VPS35: variants seen among roughly 807,000 people sequenced by gnomAD.
VPS35 encodes the protein vacuolar protein sorting-associated protein 35.
A neutral mutation model predicts 98.1 loss-of-function variants in VPS35; 21 were observed. The ratio of observed to expected loss-of-function variants is 0.21; its 90% CI spans 0.15 to 0.31. The LOEUF is 0.31. Ranked by LOEUF, VPS35 falls within the 10% of genes least tolerant of loss-of-function variation. The pLI, the probability that VPS35 is intolerant of heterozygous loss-of-function variation, is 1.00. For missense variants in VPS35, 554 were observed against 950.8 expected (o/e 0.58, Z 5.49); for synonymous variants, 268 against 318.2 (o/e 0.84, Z 1.68).
intron 13 of VPS35, among the ~76,000 whole-genome samples, chr16:46,663,445 A>G (rs1402650092): frequency 6.6e-6 from 1 of 151,972 alleles, no homozygotes; most frequent in African/African-American, 2.4e-5. Flanking sequence ...GCAGTGGCAC[A>G]ATCTTGGCTC....
chr16:46,681,593 C>T, intron 3 of VPS35, 93 bp from the exon 4 acceptor site: 3 of 1,439,698 alleles, frequency 2.1e-6, no homozygotes, highest in South Asian at 1.2e-5. Context: ...ACTGGGCAGA[C>T]ATCTTAAGTT....
intron 13 of VPS35, among the ~76,000 whole-genome samples, chr16:46,665,913 C>CT (rs966993065): frequency 1.3e-4 from 19 of 151,976 alleles, no homozygotes; most frequent in African/African-American, 3.6e-4. Flanking sequence ...GCCCTAGCCT[C>CT]TTTTTTTTGA....
At chr16:46,676,076 A>AG (rs1412584196) in intron 8 of VPS35, among the ~76,000 whole-genome samples, 1 of 151,254 alleles carries the variant, frequency 6.6e-6, no homozygotes, top group Non-Finnish European at 1.5e-5. Context: ...AAAAAAAAAA[A>AG]AAAAAAAAAA....
At chr16:46,664,480 C>T (rs1354760276) in intron 13 of VPS35, among the ~76,000 whole-genome samples, 1 of 149,626 alleles carries the variant, frequency 6.7e-6, no homozygotes, top group Non-Finnish European at 1.5e-5. Context: ...GAGTTAAAAT[C>T]GATTCACACT....
At chr16:46,688,703 G>A in intron 1 of VPS35, 1 of 1,133,074 alleles carries the variant, frequency 8.8e-7, no homozygotes, top group South Asian at 2.4e-5. Context: ...AGGCACAAAG[G>A]TAGAAACGCA....
rs1160765853 is a variant in VPS35, at chr16:46,668,989, G to T, written c.1588C>A (p.Pro530Thr). Reference protein sequence around the residue: ...GGNQRIRFTLPPLVFAAYQLA... With the variant: ...GGNQRIRFTLTPLVFAAYQLA... ...TGGTAAGCTGCAAATACCAAAGGTG[G>T]CAGTGTGAAGCGAATCCGCTGATTT... The change falls in exon 13 of 17, where the codon CCA (proline) becomes ACA (threonine). Residue 530 changes from proline to threonine, a missense_variant. Transcript: ENST00000299138. The T allele has an allele frequency of 6.2e-7, 1 of 1,614,050 alleles. No homozygotes were observed. Among genetic ancestry groups the T allele is most frequent in the Non-Finnish European group, 8.5e-7 (1 of 1,180,008 alleles).
intron 13 of VPS35, among the ~76,000 whole-genome samples, chr16:46,663,437 A>C (rs2143006012): frequency 6.6e-6 from 1 of 152,344 alleles, no homozygotes; most frequent in East Asian, 1.9e-4. Context: ...GCTGGAGTGC[A>C]GTGGCACAAT....
At chr16:46,680,242 C>A (rs1353885880) in intron 5 of VPS35, among the ~76,000 whole-genome samples, 1 of 152,126 alleles carries the variant, frequency 6.6e-6, no homozygotes, top group African/African-American at 2.4e-5. Flanking sequence ...ACAGATAATT[C>A]AAATCACTTA....
In VPS35 at chr16:46,671,719, C is replaced by A; in HGVS notation, c.1510G>T (p.Asp504Tyr). 6.2e-7 allele frequency: 1 copy of A among 1,614,138 alleles called. No individual in the cohort carries two copies. The highest frequency in any genetic ancestry group is 1.1e-5 in the South Asian group (1 of 91,058). The change falls in exon 12 of 17, where the codon GAC (aspartate) becomes TAC (tyrosine). Residue 504 changes from aspartate (D) to tyrosine (Y), a missense_variant. Physicochemically the swap from Asp to Tyr is radical, Grantham distance 160. Around this residue, in one of 5 missense-constraint regions of VPS35, gnomAD observed 254 missense variants for 390.1 expected, o/e 0.65. Coordinates refer to ENST00000299138, the MANE Select transcript of VPS35 (RefSeq NM_018206.6). ...TAAACTCATACCAAGTACTGCTGGT[C>A]AGGGTCCTCAGAGCGCAGCAGATGA... is the stretch of plus-strand genomic sequence containing the variant. The part of the protein sequence containing the change: ...FIHLLRSEDP[D>Y]QQYLILNTAR...
chr16:46,686,254 T>C (rs1966312893), intron 1 of VPS35, among the ~76,000 whole-genome samples: 1 of 152,162 alleles, frequency 6.6e-6, no homozygotes, highest in Admixed American at 6.5e-5. Flanking sequence ...TATATATCTA[T>C]ATATATACAC....
chr16:46,687,256 A>G (rs1344739257), intron 1 of VPS35, among the ~76,000 whole-genome samples: 3 of 152,216 alleles, frequency 2.0e-5, no homozygotes, highest in South Asian at 4.1e-4. Context: ...TGAAAGAACT[A>G]TTTTAAAAAT....
intron 1 of VPS35, among the ~76,000 whole-genome samples, chr16:46,683,978 G>A (rs534448436): frequency 6.0e-4 from 91 of 152,108 alleles, no homozygotes; most frequent in Admixed American, 1.9e-3. Flanking sequence ...CGCCTGCCTC[G>A]ACCTCCCAAA....
rs760434383 is a variant in VPS35 at position 46,661,791 on chromosome 16, G to A, written c.2138C>T (p.Pro713Leu). 1.2e-6 allele frequency: 2 copies of A among 1,613,852 alleles called. No individual in the cohort carries two copies. The highest frequency in any genetic ancestry group is 1.3e-5 in the African/African-American group (1 of 74,866). ...ALKIANQCMD[P>L]SLQVQLFIEI... ...TATAAAAAGCTGCACTTGTAGAGAG[G>A]GGTCCATGCACTGATTTGCTATTTT... Residue 713 changes from proline to leucine, a missense_variant, in exon 16 of 17, where the codon CCC becomes CTC. Physicochemically the swap from Pro to Leu is moderately conservative, Grantham distance 98. Coordinates refer to ENST00000299138, the MANE Select transcript of VPS35 (RefSeq NM_018206.6). The surrounding 1 kb of genome is among the most constrained non-coding windows in gnomAD (Gnocchi z 4.3).
In VPS35 at chr16:46,680,697, G is replaced by C; in HGVS notation, c.480C>G (p.Ile160Met). The change falls in exon 5 of 17, where the codon ATC (isoleucine) becomes ATG (methionine). Residue 160 changes from isoleucine (I) to methionine (M), a missense_variant. Around this residue, in one of 5 missense-constraint regions of VPS35, gnomAD observed 77 missense variants for 222.3 expected, o/e 0.35. Coordinates refer to ENST00000299138, the MANE Select transcript of VPS35 (RefSeq NM_018206.6). ...RNYLLQCTRNILPDEGEPTDE... is the reference protein window; with the variant it reads ...RNYLLQCTRNMLPDEGEPTDE... ...CTGTTGGCTCTCCTTCATCAGGTAAGATATTTCTGGTACACTGAAGAAGGT... is the reference window on the plus strand; with the variant it reads ...CTGTTGGCTCTCCTTCATCAGGTAACATATTTCTGGTACACTGAAGAAGGT... 7 of 1,613,920 alleles carry C rather than the reference G, an allele frequency of 4.3e-6. No individual in the cohort carries two copies. Among genetic ancestry groups the C allele is most frequent in the Non-Finnish European group, 5.9e-6 (7 of 1,179,924 alleles).
intron 1 of VPS35, among the ~76,000 whole-genome samples, chr16:46,685,962 G>C (rs1271199918): frequency 6.6e-6 from 1 of 151,982 alleles, no homozygotes; most frequent in Non-Finnish European, 1.5e-5. Context: ...AGTGGCATTA[G>C]GTACATTCAC....
chr16:46,679,850 C>T (rs1966206417), intron 5 of VPS35, among the ~76,000 whole-genome samples: 1 of 151,962 alleles, frequency 6.6e-6, no homozygotes, highest in Non-Finnish European at 1.5e-5. Flanking sequence ...TTTATCTTTT[C>T]TGTACTGTTT....
intron 3 of VPS35, 151 bp downstream of exon 3, chr16:46,681,928 T>G (rs1966240967): frequency 3.1e-6 from 2 of 648,758 alleles, no homozygotes; most frequent in Non-Finnish European, 5.6e-6. Context: ...TTTTTCTCAC[T>G]TAGCACATCT....
rs181424035 is a variant in VPS35 at position 46,680,416 on chromosome 16, A to G, written c.506+255T>C. Among the ~76,000 whole-genome samples, 864 of 152,362 alleles carry G rather than the reference A, an allele frequency of 5.7e-3. 10 individuals carry two copies. The highest frequency in any genetic ancestry group is 7.4e-3 in the Non-Finnish European group (502 of 68,034). On this transcript the variant is annotated intron_variant, in intron 5 of 16. Coordinates refer to ENST00000299138, the MANE Select transcript of VPS35 (RefSeq NM_018206.6). ...ATTTTCAAAGAAGATTTAATGTAGTAGAAAAAATTACATTAAATGAAAAAA... is the reference window on the plus strand; with the variant it reads ...ATTTTCAAAGAAGATTTAATGTAGTGGAAAAAATTACATTAAATGAAAAAA...
chr16:46,679,297 T>C (rs748556717), intron 5 of VPS35, 141 bp from the exon 6 acceptor site: 1 of 806,104 alleles, frequency 1.2e-6, no homozygotes, highest in African/African-American at 1.7e-5. Flanking sequence ...TGGCTTAGTG[T>C]TAAATTTCAA....
Sources: allele counts gnomAD v4.1 joint callset (sites outside exome capture counted in the v4.1 genomes callset), GRCh38; gene constraint gnomAD v4.1.1; regional missense constraint gnomAD v4.1.1; non-coding constraint Gnocchi (gnomAD v3.1); transcripts MANE v1.5; gene names NCBI Gene and HGNC (gene_info 2026-07-23, HGNC 2026-07-21).